The following TUSC3 variants were observed in gnomAD, a reference collection of about 807,000 sequenced individuals.
TUSC3 encodes the protein tumor suppressor candidate 3.
Under a neutral mutation model 44.8 loss-of-function variants are expected in TUSC3, and 45 were observed. The ratio of observed to expected loss-of-function variants is 1.00; its 90% confidence interval spans 0.79 to 1.29. The LOEUF (loss-of-function observed/expected upper bound fraction) is 1.29. Ranked by LOEUF, TUSC3 falls within the 50% of genes most tolerant of loss-of-function variation. The pLI is 0.00. For synonymous variants in TUSC3, 212 were observed against 152.9 expected, an observed-to-expected ratio of 1.39 and a Z score of -2.85; for missense variants, 519 against 437.9, an observed-to-expected ratio of 1.19 and a Z score of -1.65.
At chr8:15,608,271 G>T (rs1368000724) in intron 1 of TUSC3, among the ~76,000 whole-genome samples, 1 of 151,932 alleles carries the variant, frequency 6.6e-6, no homozygotes. Flanking sequence ...TCTTTTCCAT[G>T]AGTGTTTAAT....
In TUSC3 at chr8:15,689,337, AGCATCTG is replaced by A. The variant is rs1808787362; in HGVS notation, c.798+15503_798+15509del. 1.5e-5 allele frequency: 4 copies of A among 268,174 alleles called. No individual in the cohort carries two copies. In the East Asian group the frequency reaches 4.7e-4, roughly 32 times the overall value. 16.6% of individuals were successfully genotyped at this position (268,174 alleles called of 1,614,324 possible). On this transcript the variant is annotated intron_variant, in intron 6 of 10. Coordinates refer to ENST00000503731, the MANE Select transcript of TUSC3 (RefSeq NM_006765.4). Reference sequence around the variant, plus strand: ...TAGTCACCATCATCACTCCGTCAACAGCATCTGGACTCCCAGCTGTTCACCTTGTGGC... The same window carrying A: ...TAGTCACCATCATCACTCCGTCAACAGACTCCCAGCTGTTCACCTTGTGGC...
At chr8:15,439,562 GAAAACA>G (rs899165632) in intron 1 of TUSC3, among the ~76,000 whole-genome samples, 22 of 152,152 alleles carry the variant, frequency 1.4e-4, no homozygotes, top group African/African-American at 2.2e-4. Context: ...GTCTCAAAAT[GAAAACA>G]AAAACAAAAA....
At chr8:15,482,226 A>G (rs1800672463) in intron 1 of TUSC3, among the ~76,000 whole-genome samples, 1 of 152,060 alleles carries the variant, frequency 6.6e-6, no homozygotes, top group African/African-American at 2.4e-5. Context: ...TGCTATTTCC[A>G]CCACAATTCC....
At chr8:15,762,675 A>C (rs1244648611) in intron 10 of TUSC3, among the ~76,000 whole-genome samples, 1 of 152,126 alleles carries the variant, frequency 6.6e-6, no homozygotes, top group Non-Finnish European at 1.5e-5. Flanking sequence ...TCATTTTATG[A>C]TTAAGGTTTC....
chr8:15,768,796 A>G (rs1563215173), downstream of TUSC3, among the ~76,000 whole-genome samples: 1 of 151,762 alleles, frequency 6.6e-6, no homozygotes, highest in Non-Finnish European at 1.5e-5. Context: ...ATATCCCAAT[A>G]ACAGCCAAAT....
chr8:15,559,245 T>C (rs557564613), intron 1 of TUSC3, among the ~76,000 whole-genome samples: 22 of 141,924 alleles, frequency 1.6e-4, no homozygotes, highest in African/African-American at 5.7e-4. Context: ...TATTTCTGCC[T>C]TCATTTTGTT....
intron 2 of TUSC3, among the ~76,000 whole-genome samples, chr8:15,630,428 C>G (rs957366927): frequency 2.0e-5 from 3 of 151,698 alleles, no homozygotes; most frequent in African/African-American, 7.3e-5. Flanking sequence ...ATTGGGGACG[C>G]TATGTTAAGT....
chr8:15,497,763 G>C (rs1431679564), intron 2 of TUSC3, among the ~76,000 whole-genome samples: 1 of 137,666 alleles, frequency 7.3e-6, no homozygotes, highest in African/African-American at 2.8e-5. Context: ...TTCTTTTTTT[G>C]AGACAAAGTC....
chr8:15,636,655 T>C (rs1439010707), intron 2 of TUSC3, among the ~76,000 whole-genome samples: 5 of 152,070 alleles, frequency 3.3e-5, no homozygotes, highest in African/African-American at 1.2e-4. Context: ...AGATACGGGG[T>C]GTGGTTTGCT....
intron 3 of TUSC3, among the ~76,000 whole-genome samples, chr8:15,651,620 G>A (rs1158753527): frequency 6.6e-6 from 1 of 152,170 alleles, no homozygotes; most frequent in Non-Finnish European, 1.5e-5. Flanking sequence ...CGAGAAGATG[G>A]TCACAGGCCA....
chr8:15,597,216 T>C (rs1464211229), intron 1 of TUSC3, among the ~76,000 whole-genome samples: 1 of 152,010 alleles, frequency 6.6e-6, no homozygotes. Flanking sequence ...TTAATGGAGG[T>C]GATTTAAATT....
At chr8:15,614,625 C>T (rs1473882878) in intron 1 of TUSC3, among the ~76,000 whole-genome samples, 4 of 152,012 alleles carry the variant, frequency 2.6e-5, no homozygotes, top group Non-Finnish European at 4.4e-5. Flanking sequence ...TACAAGTTGG[C>T]TTCTTTTTAT....
chr8:15,507,172 C>G (rs1801063072), intron 2 of TUSC3, among the ~76,000 whole-genome samples: 1 of 152,120 alleles, frequency 6.6e-6, no homozygotes, highest in African/African-American at 2.4e-5. Flanking sequence ...CCTCCATAGT[C>G]CAAACTATAG....
At chr8:15,680,669 CTCAGGGAGAATGGTTCCAGCTT>C (rs1270282558) in intron 6 of TUSC3, among the ~76,000 whole-genome samples, 1 of 152,026 alleles carries the variant, frequency 6.6e-6, no homozygotes, top group Non-Finnish European at 1.5e-5. Flanking sequence ...TGTTCCAGTT[CTCAGGGAGAATGGTTCCAGCTT>C]TTGCCTCCTG....
rs1471293684 is a variant in TUSC3, at chr8:15,540,569, G to T, written c.138+1G>T. 6.3e-7 allele frequency: 1 copy of T among 1,580,792 alleles called. No individual in the cohort carries two copies. Among genetic ancestry groups the T allele is most frequent in the Non-Finnish European group, 8.6e-7 (1 of 1,163,948 alleles). ...CGGGGGAGGACAGAAGAAAAAGGAG[G>T]TAGAATGGATCCCCTTGGCCTTCCC... On this transcript the variant is annotated splice_donor_variant, in intron 1 of 10. Transcript: ENST00000503731. LOFTEE classifies it high-confidence loss of function.
intron 5 of TUSC3, among the ~76,000 whole-genome samples, chr8:15,669,228 C>A (rs990684452): frequency 6.6e-6 from 1 of 151,820 alleles, no homozygotes; most frequent in African/African-American, 2.4e-5. Context: ...AGAAAGTCTT[C>A]ATACTCCAGT....
At chr8:15,594,453 A>G (rs1209505201) in intron 1 of TUSC3, among the ~76,000 whole-genome samples, 1 of 152,092 alleles carries the variant, frequency 6.6e-6, no homozygotes, top group African/African-American at 2.4e-5. Flanking sequence ...TAATTGGATC[A>G]TAGGCATTGT....
intron 1 of TUSC3, among the ~76,000 whole-genome samples, chr8:15,581,877 C>T (rs1310064639): frequency 3.8e-5 from 5 of 132,704 alleles, no homozygotes. Context: ...CCTAATCAAG[C>T]CTGGGCAATG....
chr8:15,714,808 C>G (rs1329208451), intron 6 of TUSC3, among the ~76,000 whole-genome samples: 1 of 152,080 alleles, frequency 6.6e-6, no homozygotes, highest in Non-Finnish European at 1.5e-5. Flanking sequence ...GAAGTGAGAG[C>G]TACATAACCA....
Sources: allele counts gnomAD v4.1 joint callset (sites outside exome capture counted in the v4.1 genomes callset), GRCh38; gene constraint gnomAD v4.1.1; transcripts MANE v1.5; gene names NCBI Gene and HGNC (gene_info 2026-07-23, HGNC 2026-07-21).